The following KSR2 variants were observed in gnomAD, a reference collection of about 807,000 sequenced individuals.
KSR2 encodes kinase suppressor of ras 2.
In KSR2, 25 loss-of-function variants were observed where a neutral mutation model predicts 107.8. That is an observed-to-expected ratio of 0.23 (90% CI 0.17 to 0.32). The LOEUF (loss-of-function observed/expected upper bound fraction) is 0.32. Among genes scored for constraint, KSR2 ranks in the 10% least tolerant of loss-of-function variants. The pLI, the probability that KSR2 is intolerant of heterozygous loss-of-function variation, is 1.00. For synonymous variants in KSR2, 480 were observed against 507.0 expected (o/e 0.95, Z 0.71); for missense variants, 887 against 1,268.9 (o/e 0.70, Z 4.57).
intron 4 of KSR2, among the ~76,000 whole-genome samples, chr12:117,713,395 C>A (rs1000583521): frequency 6.6e-6 from 1 of 152,102 alleles, no homozygotes; most frequent in Non-Finnish European, 1.5e-5. Flanking sequence ...TCTCCTATTG[C>A]TTCTGTCTCT....
At chr12:117,634,993 C>T (rs558904884) in intron 5 of KSR2, among the ~76,000 whole-genome samples, 8 of 152,268 alleles carry the variant, frequency 5.3e-5, no homozygotes, top group Admixed American at 2.0e-4. Context: ...ATGCCACATA[C>T]AAGACCTGCC....
At chr12:117,819,235 G>A (rs1241934147) in intron 3 of KSR2, among the ~76,000 whole-genome samples, 2 of 152,174 alleles carry the variant, frequency 1.3e-5, no homozygotes, top group Non-Finnish European at 2.9e-5. Flanking sequence ...GAAGGGGACT[G>A]AGTTATTTGG....
rs1167086186 is a variant in KSR2 at position 117,692,501 on chromosome 12, T to C, written c.987-24843A>G. On this transcript the variant is annotated intron_variant, in intron 4 of 19. Transcript: ENST00000339824. ...ATATATATATATATATATATATATA[T>C]ATATACACACACACATATATATACA... Among the ~76,000 whole-genome samples, 44 of 72,916 alleles carry C rather than the reference T, an allele frequency of 6.0e-4. 1 individual carries two copies. The highest frequency in any genetic ancestry group is 1.0e-3 in the South Asian group (2 of 1,972). 47.8% of individuals were successfully genotyped at this position (72,916 alleles called of 152,430 possible). A position where few individuals can be genotyped will look rare whatever the true frequency, so the allele number is the denominator to read the frequency against.
intron 5 of KSR2, among the ~76,000 whole-genome samples, chr12:117,583,378 T>TGGATAG (rs1406110640): frequency 8.4e-4 from 125 of 149,070 alleles, no homozygotes; most frequent in African/African-American, 2.9e-3. Flanking sequence ...GGTGGGTGGA[T>TGGATAG]GGATAGATGG....
chr12:117,638,799 C>T (rs1017334488), intron 5 of KSR2, among the ~76,000 whole-genome samples: 1 of 152,022 alleles, frequency 6.6e-6, no homozygotes, highest in Non-Finnish European at 1.5e-5. Context: ...TTTATCAGGG[C>T]TGGAACTACC....
At chr12:117,841,974 C>CGTGACTACT (rs1343005540) in intron 3 of KSR2, among the ~76,000 whole-genome samples, 5 of 152,368 alleles carry the variant, frequency 3.3e-5, no homozygotes, top group Admixed American at 1.3e-4. Flanking sequence ...TCAGTCACTC[C>CGTGACTACT]GTGACTACTT....
intron 1 of KSR2, among the ~76,000 whole-genome samples, chr12:117,909,831 C>T (rs1894962167): frequency 6.6e-6 from 1 of 151,694 alleles, no homozygotes; most frequent in Admixed American, 6.6e-5. Flanking sequence ...TCACTTAAAC[C>T]CAGGAGGTGG....
rs1871563564 is a variant in KSR2 at position 117,472,962 on chromosome 12, A to G, written c.2583-1642T>C. On this transcript the variant is annotated intron_variant, in intron 17 of 19. Coordinates refer to ENST00000339824, the MANE Select transcript of KSR2 (RefSeq NM_173598.6). ...GCACTCACCTGTGAGCACAGCTTTC[A>G]CAGGCTAATCAGATAATCCAGAACT... Among the ~76,000 whole-genome samples, 4 of 152,138 alleles carry G rather than the reference A, an allele frequency of 2.6e-5. No individual in the cohort carries two copies. The South Asian group carries it at 8.3e-4, about 32-fold the overall frequency.
At chr12:117,724,421 A>G (rs904793276) in intron 4 of KSR2, among the ~76,000 whole-genome samples, 1 of 152,136 alleles carries the variant, frequency 6.6e-6, no homozygotes, top group African/African-American at 2.4e-5. Context: ...CTGATCCACC[A>G]TTTACAAATA....
At chr12:117,696,070 G>A (rs1310922275) in intron 4 of KSR2, among the ~76,000 whole-genome samples, 1 of 152,186 alleles carries the variant, frequency 6.6e-6, no homozygotes, top group Non-Finnish European at 1.5e-5. Flanking sequence ...CTCTCCACCT[G>A]CTCAGAGCCA....
intron 5 of KSR2, among the ~76,000 whole-genome samples, chr12:117,600,340 C>T (rs751089161): frequency 2.0e-4 from 30 of 152,266 alleles, no homozygotes; most frequent in Non-Finnish European, 2.8e-4. Flanking sequence ...GAAGAGGTGT[C>T]GAATCCAGGC....
chr12:117,846,154 C>G (rs1892698220), intron 3 of KSR2, among the ~76,000 whole-genome samples: 1 of 152,100 alleles, frequency 6.6e-6, no homozygotes, highest in Non-Finnish European at 1.5e-5. Flanking sequence ...TGCAATAAAT[C>G]TCTTAATATA....
chr12:117,650,068 C>A (rs1413242146), intron 5 of KSR2, among the ~76,000 whole-genome samples: 1 of 152,148 alleles, frequency 6.6e-6, no homozygotes, highest in Non-Finnish European at 1.5e-5. Context: ...TTGAGGGATA[C>A]ACATTATTAA....
At chr12:117,481,788 A>C (rs1228912124) in intron 16 of KSR2, among the ~76,000 whole-genome samples, 1 of 152,144 alleles carries the variant, frequency 6.6e-6, no homozygotes, top group African/African-American at 2.4e-5. Flanking sequence ...CCACTCCTAT[A>C]ATCCAGCCCC....
intron 4 of KSR2, among the ~76,000 whole-genome samples, chr12:117,717,455 G>A (rs1199485960): frequency 2.0e-5 from 3 of 152,018 alleles, no homozygotes; most frequent in Non-Finnish European, 2.9e-5. Context: ...GGAGGTCAAG[G>A]CTGCAGTGAG....
chr12:117,539,555 C>G, intron 10 of KSR2, 164 bp downstream of exon 10: 1 of 590,932 alleles, frequency 1.7e-6, no homozygotes, highest in South Asian at 2.5e-5. Context: ...GCTTAGGGTA[C>G]GATAAGGGTC....
At chr12:117,679,134 C>T (rs1408022085) in intron 4 of KSR2, among the ~76,000 whole-genome samples, 11 of 152,176 alleles carry the variant, frequency 7.2e-5, no homozygotes, top group Non-Finnish European at 4.4e-5. Flanking sequence ...GGACCCAGTG[C>T]CGTCTTCTCT....
chr12:117,824,504 A>G (rs1265732721), intron 3 of KSR2, among the ~76,000 whole-genome samples: 1 of 152,176 alleles, frequency 6.6e-6, no homozygotes, highest in Non-Finnish European at 1.5e-5. Context: ...AATGTATTAA[A>G]TTGTCACATG....
In KSR2 at chr12:117,503,115, G is replaced by A. The variant is rs143453975; in HGVS notation, c.2220-17424C>T. Among the ~76,000 whole-genome samples the A allele has an allele frequency of 8.6e-3, 1,303 of 152,260 alleles. 24 individuals carry two copies. Among genetic ancestry groups the A allele is most frequent in the Middle Eastern group, 0.037 (11 of 294 alleles). On this transcript the variant is annotated intron_variant, in intron 14 of 19. Transcript: ENST00000339824. ...GTGGAGAGGGGAGAGAACTTATTAG[G>A]GGAGACAGTAGCACCTAGAGGTTAG...
Sources: gnomAD v4.1 joint callset for allele counts (sites outside exome capture counted in the v4.1 genomes callset) on GRCh38, gnomAD v4.1.1 for gene constraint, MANE v1.5 for transcripts, NCBI Gene and HGNC (gene_info 2026-07-23, HGNC 2026-07-21) for gene names.